The following NALF1 variants were observed in gnomAD, a reference collection of about 807,000 sequenced individuals.
NALF1 encodes the protein family with sequence similarity 155 member A.
A neutral mutation model predicts 48.4 loss-of-function variants in NALF1; 3 were observed. The observed-to-expected ratio is 0.06, with a 90% CI of 0.03 to 0.16. The LOEUF is 0.16. Ranked by LOEUF, NALF1 falls within the 10% of genes least tolerant of loss-of-function variation. The pLI, the probability that NALF1 is intolerant of heterozygous loss-of-function variation, is 1.00. For missense variants in NALF1, 526 were observed against 571.5 expected, an observed-to-expected ratio of 0.92 and a Z score of 0.81; for synonymous variants, 262 against 245.7, an observed-to-expected ratio of 1.07 and a Z score of -0.62.
rs557347142 is a variant in NALF1, at chr13:107,732,604, G to A, written c.915+133078C>T. On this transcript the variant is annotated intron_variant, in intron 1 of 2. Transcript: ENST00000375915. ...GAAGTTGTATGGGAATAACCACATCGTTATTCACCCACATATCTAGGGCAT... is the reference window on the plus strand; with the variant it reads ...GAAGTTGTATGGGAATAACCACATCATTATTCACCCACATATCTAGGGCAT... Among the ~76,000 whole-genome samples the A allele has an allele frequency of 1.6e-4, 24 of 152,140 alleles. No individual in the cohort carries two copies. In the East Asian group the frequency reaches 3.3e-3, roughly 21 times the overall value.
At chr13:107,781,845 T>G (rs1877896986) in intron 1 of NALF1, among the ~76,000 whole-genome samples, 1 of 152,214 alleles carries the variant, frequency 6.6e-6, no homozygotes, top group African/African-American at 2.4e-5. Context: ...AATACAAGTT[T>G]TATTAATTAT....
At chr13:107,557,134 A>G (rs1281574158) in intron 1 of NALF1, among the ~76,000 whole-genome samples, 2 of 152,028 alleles carry the variant, frequency 1.3e-5, no homozygotes, top group Non-Finnish European at 2.9e-5. Flanking sequence ...TGATGGCCAG[A>G]GCCTAGCTTC....
chr13:107,178,194 T>C (rs1248074259), intron 2 of NALF1, among the ~76,000 whole-genome samples: 1 of 151,984 alleles, frequency 6.6e-6, no homozygotes, highest in African/African-American at 2.4e-5. Context: ...AAAGCAAAAA[T>C]GGACAAATGA....
At chr13:107,377,267 T>C (rs1317529510) in intron 1 of NALF1, among the ~76,000 whole-genome samples, 2 of 152,062 alleles carry the variant, frequency 1.3e-5, no homozygotes, top group Non-Finnish European at 2.9e-5. Flanking sequence ...AGGAAAGAGG[T>C]GGGACTGGGA....
At chr13:107,550,285 T>C (rs927801131) in intron 1 of NALF1, among the ~76,000 whole-genome samples, 7 of 152,296 alleles carry the variant, frequency 4.6e-5, no homozygotes, top group Middle Eastern at 3.4e-3. Flanking sequence ...TCACTGTCTC[T>C]GAATCTATAC....
rs537053654 is a variant in NALF1 at position 107,216,322 on chromosome 13, A to G, written c.916-5567T>C. The stretch of plus-strand genomic sequence containing the variant: ...ACTCAAAATAAATTTTCACGTTCCT[A>G]TGTCTGAATGTCTGCTTTCTGCTAT... On this transcript the variant is annotated intron_variant, in intron 1 of 2. Transcript: ENST00000375915. Among the ~76,000 whole-genome samples the G allele has an allele frequency of 5.3e-5, 8 of 152,332 alleles. No homozygotes were observed. In the South Asian group the frequency reaches 6.2e-4, roughly 12 times the overall value.
At chr13:107,224,173 T>C (rs1164809569) in intron 1 of NALF1, among the ~76,000 whole-genome samples, 1 of 151,942 alleles carries the variant, frequency 6.6e-6, no homozygotes, top group Non-Finnish European at 1.5e-5. Flanking sequence ...CAGTTGATCA[T>C]TATATATTTG....
intron 1 of NALF1, among the ~76,000 whole-genome samples, chr13:107,837,408 TCA>T (rs1229454357): frequency 1.3e-5 from 2 of 152,212 alleles, no homozygotes; most frequent in African/African-American, 4.8e-5. Flanking sequence ...GCGTTGGGTC[TCA>T]GAGTGAAAAA....
intron 1 of NALF1, among the ~76,000 whole-genome samples, chr13:107,663,591 CA>C (rs1459313764): frequency 1.3e-5 from 2 of 152,282 alleles, no homozygotes; most frequent in Non-Finnish European, 2.9e-5. Context: ...TCTCATACCA[CA>C]GTTAAACCAT....
At chr13:107,832,754 C>T (rs1274224350) in intron 1 of NALF1, among the ~76,000 whole-genome samples, 1 of 152,118 alleles carries the variant, frequency 6.6e-6, no homozygotes, top group East Asian at 1.9e-4. Context: ...TTCTGCTCTC[C>T]TCTGTCTCGC....
At chr13:107,839,791 G>A (rs1879996323) in intron 1 of NALF1, among the ~76,000 whole-genome samples, 1 of 152,122 alleles carries the variant, frequency 6.6e-6, no homozygotes, top group Admixed American at 6.5e-5. Context: ...TTAAAATAGT[G>A]AAATACCACT....
At chr13:107,359,023 T>C (rs1178370784) in intron 1 of NALF1, among the ~76,000 whole-genome samples, 3 of 152,168 alleles carry the variant, frequency 2.0e-5, no homozygotes, top group East Asian at 1.9e-4. Context: ...TTTAATCTTA[T>C]ATTCTCTACT....
At position 107,858,591 on chromosome 13, in the gene NALF1, G is replaced by A. The variant is rs191976710; in HGVS notation, c.915+7091C>T. 2.6e-5 allele frequency among the ~76,000 whole-genome samples: 4 copies of A among 152,254 alleles called. No homozygotes were observed. The East Asian group carries it at 7.7e-4, about 29-fold the overall frequency. ...TAATCCCAGCTACTCAGTGGGCTGA[G>A]GCATAAAAATCACTTGAACTGGGAG... On this transcript the variant is annotated intron_variant, in intron 1 of 2. Coordinates refer to ENST00000375915, the MANE Select transcript of NALF1 (RefSeq NM_001080396.3).
At chr13:107,542,491 A>C (rs967717694) in intron 1 of NALF1, among the ~76,000 whole-genome samples, 3 of 152,168 alleles carry the variant, frequency 2.0e-5, no homozygotes, top group Admixed American at 1.3e-4. Flanking sequence ...ATTGTATGGT[A>C]TGTCAGTTAT....
At chr13:107,271,807 T>TAC (rs1566470758) in intron 1 of NALF1, among the ~76,000 whole-genome samples, 3 of 47,014 alleles carry the variant, frequency 6.4e-5, no homozygotes, top group Admixed American at 2.6e-4. Context: ...TATATATATA[T>TAC]ATATATATAT....
At chr13:107,176,262 G>A (rs1207423783) in intron 2 of NALF1, among the ~76,000 whole-genome samples, 1 of 148,588 alleles carries the variant, frequency 6.7e-6, no homozygotes, top group African/African-American at 2.5e-5. Context: ...TGTTCTATTT[G>A]AAATCTCTAG....
intron 1 of NALF1, among the ~76,000 whole-genome samples, chr13:107,830,029 CT>C (rs781457640): frequency 1.3e-5 from 2 of 152,122 alleles, no homozygotes; most frequent in Non-Finnish European, 2.9e-5. Context: ...AGAAGATTAC[CT>C]TTTTATAACC....
At chr13:107,711,397 G>T (rs1039004619) in intron 1 of NALF1, among the ~76,000 whole-genome samples, 1 of 152,182 alleles carries the variant, frequency 6.6e-6, no homozygotes, top group African/African-American at 2.4e-5. Context: ...GTGCAGTGAC[G>T]CAATCTCAGC....
intron 1 of NALF1, among the ~76,000 whole-genome samples, chr13:107,677,892 G>A (rs913984229): frequency 1.3e-5 from 2 of 152,136 alleles, no homozygotes; most frequent in African/African-American, 2.4e-5. Flanking sequence ...AGCTTGAGTT[G>A]AATTTTCTAG....
Sources: allele counts gnomAD v4.1 joint callset (sites outside exome capture counted in the v4.1 genomes callset), GRCh38; gene constraint gnomAD v4.1.1; transcripts MANE v1.5; gene names NCBI Gene and HGNC (gene_info 2026-07-23, HGNC 2026-07-21).